ARSK: variants seen among roughly 807,000 people sequenced by gnomAD.
ARSK encodes the protein arylsulfatase K.
ARSK carries 37 observed loss-of-function variants against 53.2 expected under a neutral mutation model. The ratio of observed to expected loss-of-function variants is 0.70; its 90% CI spans 0.54 to 0.92. The LOEUF (loss-of-function observed/expected upper bound fraction) is 0.92. ARSK is among the 40% of genes least tolerant of loss of function. The pLI is 0.00. For synonymous variants in ARSK, 208 were observed against 223.2 expected, an observed-to-expected ratio of 0.93 and a Z score of 0.61; for missense variants, 613 against 643.0, an observed-to-expected ratio of 0.95 and a Z score of 0.51.
At chr5:95,566,998 G>T (rs576446062) in intron 2 of ARSK, among the ~76,000 whole-genome samples, 4 of 152,296 alleles carry the variant, frequency 2.6e-5, no homozygotes, top group African/African-American at 9.6e-5. Context: ...AAACAGTTTT[G>T]TTAACTGTAA....
At chr5:95,560,540 T>C (rs1320149720) in intron 1 of ARSK, among the ~76,000 whole-genome samples, 1 of 152,014 alleles carries the variant, frequency 6.6e-6, no homozygotes, top group Admixed American at 6.5e-5. Context: ...AAATAAACTC[T>C]CATATTTATA....
chr5:95,600,970 TC>T lies in ARSK; in HGVS notation c.1222del (p.His408MetfsTer5). On this transcript the variant is annotated frameshift_variant, in exon 7 of 8. Transcript: ENST00000380009. LOFTEE classifies it high-confidence loss of function. ...NLHPPWILSE[F>X]HGCNVNASTY... Reference sequence around the variant, plus strand: ...CATCCACCCTGGATTCTGAGTGAATTCCATGGATGTAATGTGAATGCCTCCA... The same window carrying T: ...CATCCACCCTGGATTCTGAGTGAATTCATGGATGTAATGTGAATGCCTCCA... 5.0e-6 allele frequency: 8 copies of T among 1,614,086 alleles called. No individual in the cohort carries two copies. The highest frequency in any genetic ancestry group is 6.8e-6 in the Non-Finnish European group (8 of 1,179,950).
chr5:95,589,193 T>A (rs140630847), intron 5 of ARSK, among the ~76,000 whole-genome samples: 333 of 152,350 alleles, frequency 2.2e-3, no homozygotes, highest in Non-Finnish European at 3.6e-3. Context: ...CTTGTCAGGT[T>A]GTTTACATAG....
intron 6 of ARSK, among the ~76,000 whole-genome samples, chr5:95,592,941 C>T: frequency 6.6e-6 from 1 of 152,140 alleles, no homozygotes; most frequent in Non-Finnish European, 1.5e-5. Context: ...CATATCTGGG[C>T]CACTTTCTCA....
rs116197385 is a variant in ARSK at position 95,567,539 on chromosome 5, T to G, written c.257-351T>G. Among the ~76,000 whole-genome samples the G allele has an allele frequency of 3.4e-3, 516 of 152,320 alleles. 2 individuals carry two copies. The highest frequency in any genetic ancestry group is 0.01 in the Middle Eastern group (3 of 294). On this transcript the variant is annotated intron_variant, in intron 2 of 7. Transcript: ENST00000380009. ...GGGGAAATGAGATCTGTACTTCAATTGTCTGATTTAGAAAATTAACCAATA... is the reference window on the plus strand; with the variant it reads ...GGGGAAATGAGATCTGTACTTCAATGGTCTGATTTAGAAAATTAACCAATA...
Position 95,555,381 on chromosome 5 carries a change from G to A in ARSK, c.103G>A (p.Val35Met), listed in dbSNP as rs537100451. ...RRRAAKAPNV[V>M]LVVSDSFDGR... ...GAGAGCAGCCAAAGCGCCCAATGTG[G>A]TGCTGGTCGTGAGCGACTCCTTCGT... is the stretch of plus-strand genomic sequence containing the variant. Residue 35 changes from valine to methionine, a missense_variant, in exon 1 of 8, where the codon GTG becomes ATG. Val to Met is a conservative substitution (Grantham distance 21, BLOSUM62 1). Transcript: ENST00000380009. This position sits in a 1 kb window ranked among gnomAD's most constrained non-coding sequence, Gnocchi z 4.0. 1.2e-6 allele frequency: 2 copies of A among 1,609,610 alleles called. No homozygotes were observed. The highest frequency in any genetic ancestry group is 2.7e-5 in the African/African-American group (2 of 74,920).
rs1165866252 is a variant in ARSK, at chr5:95,567,097, G to A, written c.257-793G>A. Among the ~76,000 whole-genome samples, 4 of 152,156 alleles carry A rather than the reference G, an allele frequency of 2.6e-5. No homozygotes were observed. The South Asian group carries it at 8.3e-4, about 31-fold the overall frequency. ...TCAGTCTTCTTATCTGCAAATTGCTGTGTATACTGTGTACCTCACAGGGTT... is the reference window on the plus strand; with the variant it reads ...TCAGTCTTCTTATCTGCAAATTGCTATGTATACTGTGTACCTCACAGGGTT... On this transcript the variant is annotated intron_variant, in intron 2 of 7. Transcript: ENST00000380009.
intron 5 of ARSK, among the ~76,000 whole-genome samples, chr5:95,587,553 C>T (rs78967015): frequency 0.18 from 27,219 of 151,942 alleles, 3,582 homozygotes; most frequent in African/African-American, 0.37. Flanking sequence ...GAAAAGTATA[C>T]AGCAAGAAGC....
intron 2 of ARSK, among the ~76,000 whole-genome samples, chr5:95,566,808 A>G (rs139405540): frequency 5.3e-5 from 8 of 152,298 alleles, no homozygotes; most frequent in Non-Finnish European, 7.4e-5. Flanking sequence ...GCCTTGGAAC[A>G]CATAAATGGC....
intron 6 of ARSK, among the ~76,000 whole-genome samples, chr5:95,595,831 T>C (rs1439016894): frequency 2.0e-5 from 3 of 152,018 alleles, no homozygotes; most frequent in Non-Finnish European, 2.9e-5. Context: ...ATGTAAAACG[T>C]TGAAAAAAAA....
rs538710916 is a variant in ARSK, at chr5:95,558,734, G to A, written c.126+3330G>A. 1.6e-3 allele frequency among the ~76,000 whole-genome samples: 242 copies of A among 152,300 alleles called. 3 individuals are homozygous for A. The highest frequency in any genetic ancestry group is 5.7e-3 in the African/African-American group (236 of 41,576). On this transcript the variant is annotated intron_variant, in intron 1 of 7. Coordinates refer to ENST00000380009, the MANE Select transcript of ARSK (RefSeq NM_198150.3). ...GTAATTTTAAAACTACCAACAAAGA[G>A]AAGCACAGACCCAAACGGTTTCACT...
intron 1 of ARSK, among the ~76,000 whole-genome samples, chr5:95,564,128 C>T (rs1748684346): frequency 2.0e-5 from 3 of 152,058 alleles, no homozygotes; most frequent in Admixed American, 2.0e-4. Flanking sequence ...CAGGCACCTG[C>T]CACCACGCCT....
At chr5:95,560,305 CTT>C (rs889198350) in intron 1 of ARSK, among the ~76,000 whole-genome samples, 1 of 146,364 alleles carries the variant, frequency 6.8e-6, no homozygotes. Flanking sequence ...TCCCTAGAAC[CTT>C]TTTTTTTTTC....
At chr5:95,565,576 G>A (rs763604805) in intron 1 of ARSK, among the ~76,000 whole-genome samples, 2 of 151,976 alleles carry the variant, frequency 1.3e-5, no homozygotes, top group African/African-American at 4.8e-5. Flanking sequence ...CAAAGCACAC[G>A]TCATAATTTG....
chr5:95,574,921 G>A (rs1001859297), intron 3 of ARSK, among the ~76,000 whole-genome samples: 1 of 152,080 alleles, frequency 6.6e-6, no homozygotes. Context: ...TATTTGTCCA[G>A]TCCAGTGTCC....
chr5:95,596,235 G>A (rs1363928031), intron 6 of ARSK, among the ~76,000 whole-genome samples: 1 of 152,156 alleles, frequency 6.6e-6, no homozygotes, highest in African/African-American at 2.4e-5. Flanking sequence ...CTTCACCTCT[G>A]CTTAATAAAC....
At chr5:95,565,383 C>G (rs1257327373) in intron 1 of ARSK, among the ~76,000 whole-genome samples, 1 of 152,114 alleles carries the variant, frequency 6.6e-6, no homozygotes, top group African/African-American at 2.4e-5. Flanking sequence ...ACACCCCACC[C>G]CAGCTGCCTA....
intron 3 of ARSK, among the ~76,000 whole-genome samples, chr5:95,569,181 C>A (rs1748780852): frequency 6.6e-6 from 1 of 152,078 alleles, no homozygotes; most frequent in South Asian, 2.1e-4. Flanking sequence ...AACCCCAACA[C>A]GAATACATAT....
intron 3 of ARSK, chr5:95,581,051 C>A: frequency 3.7e-6 from 2 of 534,790 alleles, no homozygotes; most frequent in Admixed American, 3.2e-5. Flanking sequence ...GGGAATCATG[C>A]TAAAGCCATG....
Sources: gnomAD v4.1 joint callset for allele counts (sites outside exome capture counted in the v4.1 genomes callset) on GRCh38, gnomAD v4.1.1 for gene constraint, Gnocchi (gnomAD v3.1) non-coding constraint, MANE v1.5 for transcripts, NCBI Gene and HGNC (gene_info 2026-07-23, HGNC 2026-07-21) for gene names.